The following ARHGAP11A variants were observed in gnomAD, a reference collection of about 807,000 sequenced individuals.
ARHGAP11A encodes the protein rho GTPase-activating protein 11A.
A neutral mutation model predicts 60.5 loss-of-function variants in ARHGAP11A; 36 were observed. The ratio of observed to expected loss-of-function variants is 0.59; its 90% CI spans 0.46 to 0.79. ARHGAP11A has a LOEUF of 0.79. Among genes scored for constraint, ARHGAP11A ranks in the 30% least tolerant of loss-of-function variants. The probability of loss-of-function intolerance (pLI) is 0.00; values close to 1 mark genes in which losing one functional copy is unlikely to be tolerated. For synonymous variants in ARHGAP11A, 362 were observed against 415.5 expected (o/e 0.87, Z 1.57); for missense variants, 1,071 against 1,199.2 (o/e 0.89, Z 1.58).
At chr15:32,618,835 C>T (rs2053227815) in intron 1 of ARHGAP11A, among the ~76,000 whole-genome samples, 1 of 147,592 alleles carries the variant, frequency 6.8e-6, no homozygotes, top group Non-Finnish European at 1.5e-5. Flanking sequence ...GCCTGTAGTC[C>T]CAGCTACTCG....
chr15:32,620,441 TGAA>T lies in ARHGAP11A; in HGVS notation c.200+272_200+274del, dbSNP rs567981213. On this transcript the variant is annotated intron_variant, in intron 2 of 11. Coordinates refer to ENST00000361627, the MANE Select transcript of ARHGAP11A (RefSeq NM_014783.6). ...GCAGTGAGCCTTCTAGCCAGGGAAA[TGAA>T]GAAGAAGAGAGTAAGCATTTCAAAC... Among the ~76,000 whole-genome samples, 1,027 of 151,656 alleles carry T rather than the reference TGAA, an allele frequency of 6.8e-3. 7 individuals carry two copies. Among genetic ancestry groups the T allele is most frequent in the African/African-American group, 0.024 (985 of 41,322 alleles).
intron 11 of ARHGAP11A, 52 bp downstream of exon 11, chr15:32,635,967 G>T: frequency 6.6e-7 from 1 of 1,526,268 alleles, no homozygotes; most frequent in East Asian, 2.4e-5. Context: ...TGCTTTAGTT[G>T]CTTTTTTAAT....
At chr15:32,635,436 G>T (rs2140475570) in intron 10 of ARHGAP11A, among the ~76,000 whole-genome samples, 1 of 152,248 alleles carries the variant, frequency 6.6e-6, no homozygotes, top group South Asian at 2.1e-4. Context: ...TAAATAGAAT[G>T]TAAATTACAT....
chr15:32,631,083 T>A (rs540896467), intron 8 of ARHGAP11A, among the ~76,000 whole-genome samples: 3,186 of 152,208 alleles, frequency 0.021, 111 homozygotes, highest in African/African-American at 0.064. Flanking sequence ...TGAATTTTTT[T>A]ATAAAAAAAT....
intron 1 of ARHGAP11A, among the ~76,000 whole-genome samples, chr15:32,618,771 C>G (rs995292988): frequency 3.7e-5 from 5 of 135,074 alleles, no homozygotes; most frequent in Non-Finnish European, 6.5e-5. Flanking sequence ...CCCCCCCCCC[C>G]GCCCCACGTC....
chr15:32,615,263 A>G (rs2053101310), upstream of ARHGAP11A: 2 of 152,082 alleles, frequency 1.3e-5, no homozygotes, highest in South Asian at 4.1e-4. Flanking sequence ...GGTCAGGTGT[A>G]TTTAAAAACC....
chr15:32,618,795 C>CA lies in ARHGAP11A; in HGVS notation c.130-1306dup, dbSNP rs547605454. On this transcript the variant is annotated intron_variant, in intron 1 of 11. Transcript: ENST00000361627. ...CCGCCCCACGTCTCTACTAAAAATA[C>CA]AAAAAAATTAGCCAGGTGTGGTGGC... Among the ~76,000 whole-genome samples, 846 of 109,040 alleles carry CA rather than the reference C, an allele frequency of 7.8e-3. 10 individuals carry two copies. Among genetic ancestry groups the CA allele is most frequent in the African/African-American group, 0.028 (803 of 28,696 alleles). The allele number at this position is 109,040 out of a possible 152,430, so 71.5% of individuals were successfully genotyped here. A position where few individuals can be genotyped will look rare whatever the true frequency, so the allele number is the denominator to read the frequency against.
In ARHGAP11A at chr15:32,623,582, A is replaced by G. The variant is rs2053388331; in HGVS notation, c.291A>G (p.Ala97=). Residue 97 remains alanine (A), a synonymous_variant, in exon 3 of 12, where the codon GCA becomes GCG. Coordinates refer to ENST00000361627, the MANE Select transcript of ARHGAP11A (RefSeq NM_014783.6). ...RKSGSVIRLK[A]LKNKVDHGEG... Reference sequence around the variant, plus strand: ...CAGGATCTGTGATTCGCCTAAAAGCACTAAAGGTGAGCATATTGTTGAACT... The same window carrying G: ...CAGGATCTGTGATTCGCCTAAAAGCGCTAAAGGTGAGCATATTGTTGAACT... 6 of 1,612,700 alleles carry G rather than the reference A, an allele frequency of 3.7e-6. No individual in the cohort carries two copies. Among genetic ancestry groups the G allele is most frequent in the Non-Finnish European group, 5.1e-6 (6 of 1,179,678 alleles).
Position 32,633,988 on chromosome 15 carries a change from G to A in ARHGAP11A, c.1291G>A (p.Val431Ile), listed in dbSNP as rs1016091866. The change falls in exon 10 of 12, where the codon GTT (valine) becomes ATT (isoleucine). Residue 431 changes from valine to isoleucine, a missense_variant. Coordinates refer to ENST00000361627, the MANE Select transcript of ARHGAP11A (RefSeq NM_014783.6). ...FSPKISHKEK[V>I]RRSLRLKFNL... ...TCCTAAAATCAGCCATAAAGAAAAG[G>A]TTCGAAGATCTCTGCGTTTGAAATT... 3 of 1,608,376 alleles carry A rather than the reference G, an allele frequency of 1.9e-6. No homozygotes were observed. Among genetic ancestry groups the A allele is most frequent in the East Asian group, 2.2e-5 (1 of 44,668 alleles).
At chr15:32,621,835 A>AG (rs2053323721) in intron 2 of ARHGAP11A, among the ~76,000 whole-genome samples, 1 of 150,090 alleles carries the variant, frequency 6.7e-6, no homozygotes, top group Non-Finnish European at 1.5e-5. Flanking sequence ...AAAAAAAAAA[A>AG]AAAAGAAAAA....
At chr15:32,628,376 T>C (rs1000272450) in intron 6 of ARHGAP11A, among the ~76,000 whole-genome samples, 5 of 152,234 alleles carry the variant, frequency 3.3e-5, no homozygotes, top group African/African-American at 9.6e-5. Context: ...TAAATACTTT[T>C]ATTCGTGCCT....
intron 1 of ARHGAP11A, among the ~76,000 whole-genome samples, chr15:32,617,878 T>A (rs1163418582): frequency 6.6e-6 from 1 of 152,178 alleles, no homozygotes; most frequent in African/African-American, 2.4e-5. Flanking sequence ...GGCTGCTTGT[T>A]TGATTTCCCT....
chr15:32,618,826 C>T (rs1158173099), intron 1 of ARHGAP11A, among the ~76,000 whole-genome samples: 1 of 144,020 alleles, frequency 6.9e-6, no homozygotes, highest in Non-Finnish European at 1.5e-5. Context: ...GTGGCGGGCG[C>T]CTGTAGTCCC....
intron 10 of ARHGAP11A, among the ~76,000 whole-genome samples, chr15:32,634,576 C>A (rs968513802): frequency 7.9e-5 from 12 of 152,308 alleles, no homozygotes; most frequent in Non-Finnish European, 1.2e-4. Flanking sequence ...CTGAATGACT[C>A]CGCTGTCTCT....
In ARHGAP11A at chr15:32,635,854, T is replaced by C. The variant is rs772714934; in HGVS notation, c.1422T>C (p.Ile474=). 6.2e-7 allele frequency: 1 copy of C among 1,611,370 alleles called. No homozygotes were observed. Among genetic ancestry groups the C allele is most frequent in the South Asian group, 1.1e-5 (1 of 90,506 alleles). The change falls in exon 11 of 12, where the codon ATT becomes ATC. Residue 474 remains isoleucine, a synonymous_variant. Transcript: ENST00000361627. The stretch of plus-strand genomic sequence containing the variant: ...ATCAACAAAGTTTAAAAAATCGAAT[T>C]GAATCTGTAAAAACAGGTTTGCTTT... ...LANQQSLKNR[I]ESVKTGLLFS...
In ARHGAP11A at chr15:32,634,023, GA is replaced by G; in HGVS notation, c.1331del (p.Asn444MetfsTer5). The G allele has an allele frequency of 1.9e-6, 3 of 1,603,974 alleles. No individual in the cohort carries two copies. Among genetic ancestry groups the G allele is most frequent in the Admixed American group, 1.7e-5 (1 of 58,352 alleles). On this transcript the variant is annotated frameshift_variant, in exon 10 of 12. Transcript: ENST00000361627. LOFTEE classifies it high-confidence loss of function. ...RSLRLKFNLG[K>X]NGREVNGCSG... Reference sequence around the variant, plus strand: ...CTCTGCGTTTGAAATTCAATCTAGGGAAAAATGGCAGAGAAGTAGTAAGTTT... The same window carrying G: ...CTCTGCGTTTGAAATTCAATCTAGGGAAAATGGCAGAGAAGTAGTAAGTTT...
chr15:32,637,914 A>G lies in ARHGAP11A; in HGVS notation c.*69A>G. 7.6e-7 allele frequency: 1 copy of G among 1,314,540 alleles called. No homozygotes were observed. Among genetic ancestry groups the G allele is most frequent in the African/African-American group, 1.5e-5 (1 of 67,220 alleles). The allele number at this position is 1,314,540 out of a possible 1,614,324, so 81.4% of individuals were successfully genotyped here. On this transcript the variant is annotated 3_prime_UTR_variant, in exon 12 of 12. Coordinates refer to ENST00000361627, the MANE Select transcript of ARHGAP11A (RefSeq NM_014783.6). ...ATTGGTATGACTTGCAGGATGATGT[A>G]CATGTTAGTTTGTAGCTCAGGATGA...
intron 6 of ARHGAP11A, among the ~76,000 whole-genome samples, chr15:32,628,060 T>G (rs2140460973): frequency 6.6e-6 from 1 of 152,302 alleles, no homozygotes; most frequent in South Asian, 2.1e-4. Context: ...TCTGCTTGCC[T>G]TGGCCTCCCA....
In ARHGAP11A at chr15:32,636,692, A is replaced by G. The variant is rs1389049996; in HGVS notation, c.1919A>G (p.Glu640Gly). Reference protein sequence around the residue: ...TEPSYLEDSPEENLFETNDLT... With the variant: ...TEPSYLEDSPGENLFETNDLT... Reference sequence around the variant, plus strand: ...CCATCTTATTTAGAAGATAGCCCAGAGGAAAATCTATTTGAAACTAATGAT... The same window carrying G: ...CCATCTTATTTAGAAGATAGCCCAGGGGAAAATCTATTTGAAACTAATGAT... Residue 640 changes from glutamate (E) to glycine (G), a missense_variant, in exon 12 of 12, where the codon GAG becomes GGG. Glu to Gly is a moderately conservative substitution (Grantham distance 98). Coordinates refer to ENST00000361627, the MANE Select transcript of ARHGAP11A (RefSeq NM_014783.6). 3.7e-6 allele frequency: 6 copies of G among 1,613,842 alleles called. No individual in the cohort carries two copies. In the African/African-American group the frequency reaches 4.0e-5, roughly 11 times the overall value.
Sources: gnomAD v4.1 joint callset for allele counts (sites outside exome capture counted in the v4.1 genomes callset) on GRCh38, gnomAD v4.1.1 for gene constraint, MANE v1.5 for transcripts, NCBI Gene and HGNC (gene_info 2026-07-23, HGNC 2026-07-21) for gene names.